The following MAOB variants were observed in gnomAD, a reference collection of about 807,000 sequenced individuals.
MAOB encodes the protein amine oxidase [flavin-containing] B.
In MAOB, 15 loss-of-function variants were observed where a neutral mutation model predicts 41.9. The observed-to-expected ratio is 0.36, with a 90% CI of 0.24 to 0.55. The LOEUF is 0.55. Among genes scored for constraint, MAOB ranks in the 20% least tolerant of loss-of-function variants. MAOB has a pLI of 0.86. For synonymous variants in MAOB, 167 were observed against 144.2 expected (o/e 1.16, Z -1.13); for missense variants, 345 against 398.7 (o/e 0.87, Z 1.15).
chrX:43,863,230 C>T (rs1432322722), intron 1 of MAOB, among the ~76,000 whole-genome samples: 1 of 112,103 alleles, frequency 8.9e-6, no homozygotes, highest in African/African-American at 3.2e-5. Flanking sequence ...ATCTTTAGTG[C>T]ACTGTCATTT....
chrX:43,776,991 T>G (rs1214622553), intron 11 of MAOB, among the ~76,000 whole-genome samples: 1 of 93,004 alleles, frequency 1.1e-5, no homozygotes, highest in African/African-American at 3.9e-5. Flanking sequence ...TGCCACATTT[T>G]CTTAATCCAG....
intron 1 of MAOB, among the ~76,000 whole-genome samples, chrX:43,870,794 CAAAAAA>C (rs763016344): frequency 2.3e-4 from 5 of 21,929 alleles, no homozygotes; most frequent in African/African-American, 1.9e-4. Flanking sequence ...GACTCCACCT[CAAAAAA>C]AAAAAAAAAA....
chrX:43,867,776 C>G (rs770631373), intron 1 of MAOB, among the ~76,000 whole-genome samples: 52 of 112,348 alleles, frequency 4.6e-4, no homozygotes, highest in African/African-American at 1.4e-3. Flanking sequence ...GTTTGTTCTT[C>G]ACATACAGCT....
chrX:43,879,317 G>T (rs763254824), intron 1 of MAOB, among the ~76,000 whole-genome samples: 1 of 112,600 alleles, frequency 8.9e-6, no homozygotes, highest in South Asian at 3.7e-4. Flanking sequence ...CAAAGGGAGT[G>T]ATTAAAATTT....
intron 3 of MAOB, among the ~76,000 whole-genome samples, chrX:43,817,262 T>G (rs1206194955): frequency 9.1e-6 from 1 of 110,370 alleles, no homozygotes; most frequent in African/African-American, 3.3e-5. Context: ...CCCCATTACT[T>G]TTACTGCTAG....
At chrX:43,858,324 T>C (rs1214820293) in intron 1 of MAOB, among the ~76,000 whole-genome samples, 3 of 111,156 alleles carry the variant, frequency 2.7e-5, no homozygotes, top group Non-Finnish European at 5.7e-5. Context: ...TGCTTCAGTC[T>C]TTCAGGTTCC....
chrX:43,861,526 A>T (rs1330253491), intron 1 of MAOB, among the ~76,000 whole-genome samples: 1 of 111,690 alleles, frequency 9.0e-6, no homozygotes, highest in Admixed American at 9.5e-5. Context: ...AAGGATTCAA[A>T]ACAGACCCCC....
rs371010126 is a variant in MAOB at position 43,815,882 on chromosome X, A to T, written c.280-12478T>A. ...ACGCCCCAGAAAATGTTCTCCAAAC[A>T]CATACACGAAAATGTTAAATATCCA... On this transcript the variant is annotated intron_variant, in intron 3 of 14. Coordinates refer to ENST00000378069, the MANE Select transcript of MAOB (RefSeq NM_000898.5). Among the ~76,000 whole-genome samples the T allele has an allele frequency of 3.5e-3, 392 of 112,407 alleles. 2 individuals carry two copies. Among genetic ancestry groups the T allele is most frequent in the African/African-American group, 0.012 (364 of 30,936 alleles).
intron 3 of MAOB, among the ~76,000 whole-genome samples, chrX:43,830,836 C>G (rs762413531): frequency 8.2e-4 from 92 of 112,123 alleles, no homozygotes; most frequent in Middle Eastern, 4.6e-3. Flanking sequence ...ACAGCAGCCT[C>G]GTGACAATGA....
In MAOB at chrX:43,807,882, C is replaced by T. The variant is rs3027463; in HGVS notation, c.280-4478G>A. 6.4e-3 allele frequency among the ~76,000 whole-genome samples: 718 copies of T among 111,668 alleles called. 23 individuals are homozygous for T. Among genetic ancestry groups the T allele is most frequent in the Admixed American group, 0.063 (656 of 10,433 alleles). ...GACCTTGAACTTGTCATTTATTTGA[C>T]ACACAATGCCCCGATTTATAAACTG... is the stretch of plus-strand genomic sequence containing the variant. On this transcript the variant is annotated intron_variant, in intron 3 of 14. Transcript: ENST00000378069.
At chrX:43,768,592 T>C (rs2034140866) in intron 14 of MAOB, 62 bp downstream of exon 14, 15 of 954,627 alleles carry the variant, frequency 1.6e-5, no homozygotes, top group Non-Finnish European at 2.1e-5. Context: ...AAGTGTGCTC[T>C]TCTTGAAAAT....
intron 1 of MAOB, among the ~76,000 whole-genome samples, chrX:43,881,408 C>T (rs987468833): frequency 8.0e-5 from 9 of 113,107 alleles, no homozygotes; most frequent in Non-Finnish European, 1.7e-4. Flanking sequence ...CCCAGGGGGC[C>T]ATTAAACAGG....
chrX:43,777,973 C>T lies in MAOB; in HGVS notation c.1137+709G>A, dbSNP rs181688410. Among the ~76,000 whole-genome samples, 14 of 110,858 alleles carry T rather than the reference C, an allele frequency of 1.3e-4. No homozygotes were observed. In the East Asian group the frequency reaches 3.4e-3, roughly 27 times the overall value. On this transcript the variant is annotated intron_variant, in intron 11 of 14. Transcript: ENST00000378069. ...GGGTACTTGTTATGAGTACTTTGGG[C>T]CCTCTGACTGTCACCAAATGCCCCC...
intron 3 of MAOB, among the ~76,000 whole-genome samples, chrX:43,827,700 T>C (rs2034966211): frequency 9.0e-6 from 1 of 111,552 alleles, no homozygotes; most frequent in Non-Finnish European, 1.9e-5. Context: ...CCATCTTTAA[T>C]CTGCTTCGAA....
Position 43,850,392 on chromosome X carries a change from T to G in MAOB, c.47-6628A>C, listed in dbSNP as rs974901012. On this transcript the variant is annotated intron_variant, in intron 1 of 14. Transcript: ENST00000378069. ...ATCATTAGAGGAATATTTGCAGGCA[T>G]GTGGAACAGTGCAGCATTCTCCAGG... 5.4e-6 allele frequency: 4 copies of G among 746,597 alleles called. No homozygotes were observed. In the African/African-American group the frequency reaches 9.3e-5, roughly 17 times the overall value. 61.5% of individuals were successfully genotyped at this position (746,597 alleles called of 1,213,427 possible).
chrX:43,869,403 C>T (rs2035386463), intron 1 of MAOB, among the ~76,000 whole-genome samples: 1 of 111,813 alleles, frequency 8.9e-6, no homozygotes, highest in Non-Finnish European at 1.9e-5. Context: ...AGTTTGAGCA[C>T]CTTGCTTTGG....
intron 1 of MAOB, among the ~76,000 whole-genome samples, chrX:43,844,885 C>T (rs1166295607): frequency 1.8e-5 from 2 of 111,718 alleles, no homozygotes; most frequent in Non-Finnish European, 3.8e-5. Flanking sequence ...CTCTGATGCT[C>T]CAGCTCACAG....
At chrX:43,854,233 T>A (rs1602027750) in intron 1 of MAOB, among the ~76,000 whole-genome samples, 1 of 112,028 alleles carries the variant, frequency 8.9e-6, no homozygotes, top group African/African-American at 3.3e-5. Context: ...AGCCTCATAG[T>A]GACAAAGCTT....
chrX:43,858,703 C>T (rs1415817921), intron 1 of MAOB, among the ~76,000 whole-genome samples: 1 of 110,803 alleles, frequency 9.0e-6, no homozygotes, highest in Non-Finnish European at 1.9e-5. Context: ...TAGGAGAAGG[C>T]AGACTGAGGC....
Sources: gnomAD v4.1 joint callset for allele counts (sites outside exome capture counted in the v4.1 genomes callset) on GRCh38, gnomAD v4.1.1 for gene constraint, MANE v1.5 for transcripts, NCBI Gene and HGNC (gene_info 2026-07-23, HGNC 2026-07-21) for gene names.